ACTL8: variants seen among roughly 807,000 people sequenced by gnomAD.
ACTL8 encodes the protein actin-like protein 8.
ACTL8 carries 3 observed loss-of-function variants against 9.3 expected under a neutral mutation model. The observed-to-expected ratio is 0.32, with a 90% CI of 0.15 to 0.83. The LOEUF (loss-of-function observed/expected upper bound fraction) is 0.83, where lower values mean the gene tolerates loss of function less well. Among genes scored for constraint, ACTL8 ranks in the 40% least tolerant of loss-of-function variants. The probability of loss-of-function intolerance (pLI) is 0.57; values close to 1 mark genes in which losing one functional copy is unlikely to be tolerated. For missense variants in ACTL8, 381 were observed against 492.2 expected, an observed-to-expected ratio of 0.77 and a Z score of 2.14; for synonymous variants, 224 against 205.9, an observed-to-expected ratio of 1.09 and a Z score of -0.75.
intron 1 of ACTL8, among the ~76,000 whole-genome samples, chr1:17,792,544 C>T (rs2066247676): frequency 3.3e-5 from 5 of 152,214 alleles, no homozygotes; most frequent in Admixed American, 3.3e-4. Context: ...TGTCTTCGGG[C>T]CTCAGATAAG....
intron 1 of ACTL8, among the ~76,000 whole-genome samples, chr1:17,787,832 A>G (rs921138086): frequency 3.3e-5 from 5 of 152,180 alleles, no homozygotes; most frequent in African/African-American, 1.2e-4. Flanking sequence ...TGCCAGCTGG[A>G]TTTCCCCAGA....
At chr1:17,762,402 C>G (rs530747911) in intron 1 of ACTL8, among the ~76,000 whole-genome samples, 31 of 152,226 alleles carry the variant, frequency 2.0e-4, no homozygotes, top group Admixed American at 7.2e-4. Context: ...GGCCCCACCC[C>G]CTGGGCCATT....
chr1:17,800,405 G>T (rs2066312221), intron 1 of ACTL8, among the ~76,000 whole-genome samples: 2 of 152,020 alleles, frequency 1.3e-5, no homozygotes, highest in Non-Finnish European at 2.9e-5. Flanking sequence ...AACGTGTTCA[G>T]ATTCTGTTGG....
In ACTL8 at chr1:17,791,768, G is replaced by T. The variant is rs1354655775; in HGVS notation, c.-24-31217G>T. On this transcript the variant is annotated intron_variant, in intron 1 of 2. Transcript: ENST00000375406. ...ATGCATGGTGCCTAATTTTGCCCTG[G>T]CAGTCTCTGGCTATATTTAACACCA... is the stretch of plus-strand genomic sequence containing the variant. Among the ~76,000 whole-genome samples, 3 of 152,222 alleles carry T rather than the reference G, an allele frequency of 2.0e-5. No individual in the cohort carries two copies. The East Asian group carries it at 5.8e-4, about 29-fold the overall frequency.
chr1:17,794,787 C>T lies in ACTL8; in HGVS notation c.-24-28198C>T, dbSNP rs553739362. 5.3e-5 allele frequency among the ~76,000 whole-genome samples: 8 copies of T among 152,322 alleles called. No individual in the cohort carries two copies. In the South Asian group the frequency reaches 1.7e-3, roughly 32 times the overall value. On this transcript the variant is annotated intron_variant, in intron 1 of 2. Coordinates refer to ENST00000375406, the MANE Select transcript of ACTL8 (RefSeq NM_030812.3). ...AACGTAGAGATCCCACAGAGAGTTG[C>T]TCTCCCAGATCGTGTCCAGTTCTTA...
rs147778579 is a variant in ACTL8, at chr1:17,797,589, A to G, written c.-24-25396A>G. ...AGGGCCAGGTATCCAGCATTTCTCA[A>G]GCTTGACCAATAATCAGACCTTCCT... On this transcript the variant is annotated intron_variant, in intron 1 of 2. Coordinates refer to ENST00000375406, the MANE Select transcript of ACTL8 (RefSeq NM_030812.3). Among the ~76,000 whole-genome samples the G allele has an allele frequency of 3.8e-3, 583 of 152,272 alleles. 3 individuals carry two copies. The highest frequency in any genetic ancestry group is 6.7e-3 in the Admixed American group (102 of 15,298).
At chr1:17,804,064 C>A (rs1033057599) in intron 1 of ACTL8, among the ~76,000 whole-genome samples, 1 of 152,174 alleles carries the variant, frequency 6.6e-6, no homozygotes, top group Non-Finnish European at 1.5e-5. Context: ...TTGATTGATT[C>A]AACGAATTTA....
intron 1 of ACTL8, among the ~76,000 whole-genome samples, chr1:17,800,382 G>T (rs2066312022): frequency 6.6e-6 from 1 of 152,242 alleles, no homozygotes; most frequent in East Asian, 1.9e-4. Context: ...TAATTTTTAA[G>T]TTGGTCACTT....
chr1:17,776,343 G>A (rs1051695053), intron 1 of ACTL8, among the ~76,000 whole-genome samples: 3 of 152,134 alleles, frequency 2.0e-5, no homozygotes, highest in Non-Finnish European at 4.4e-5. Context: ...GCCACTCCAG[G>A]GTCAATGAGT....
At chr1:17,765,109 G>C (rs577415301) in intron 1 of ACTL8, among the ~76,000 whole-genome samples, 15 of 152,320 alleles carry the variant, frequency 9.8e-5, no homozygotes, top group Non-Finnish European at 1.9e-4. Flanking sequence ...AACTGGAGGT[G>C]CTGGACGCTT....
rs895995505 is a variant in ACTL8, at chr1:17,774,818, T to C, written c.-25+19314T>C. Among the ~76,000 whole-genome samples, 16 of 152,296 alleles carry C rather than the reference T, an allele frequency of 1.1e-4. No homozygotes were observed. In the South Asian group the frequency reaches 3.1e-3, roughly 30 times the overall value. ...ACCCCTGGAGCCGCTGGAAGAGGGCTGAGGGCCGCCTCTTTTGAAGGTTTG... is the reference window on the plus strand; with the variant it reads ...ACCCCTGGAGCCGCTGGAAGAGGGCCGAGGGCCGCCTCTTTTGAAGGTTTG... On this transcript the variant is annotated intron_variant, in intron 1 of 2. Coordinates refer to ENST00000375406, the MANE Select transcript of ACTL8 (RefSeq NM_030812.3).
Position 17,825,920 on chromosome 1 carries a change from G to A in ACTL8, c.502G>A (p.Ala168Thr), listed in dbSNP as rs764213663. Reference sequence around the variant, plus strand: ...TTTCCACCAGGGCCGCCCCTTGCCCGCCAGCGGCAAGACGCTGGAGTTCGC... The same window carrying A: ...TTTCCACCAGGGCCGCCCCTTGCCCACCAGCGGCAAGACGCTGGAGTTCGC... ...QPFHQGRPLPASGKTLEFAGQ... is the reference protein window; with the variant it reads ...QPFHQGRPLPTSGKTLEFAGQ... The change falls in exon 3 of 3, where the codon GCC becomes ACC. Residue 168 changes from alanine to threonine, a missense_variant. Ala to Thr is a moderately conservative substitution (Grantham distance 58). This residue lies in a region of ACTL8 where 243 missense variants were observed against 276.2 expected (regional missense o/e 0.88). Transcript: ENST00000375406. 3.7e-5 allele frequency: 60 copies of A among 1,612,364 alleles called. No individual in the cohort carries two copies. Among genetic ancestry groups the A allele is most frequent in the South Asian group, 8.8e-5 (8 of 91,070 alleles).
intron 1 of ACTL8, among the ~76,000 whole-genome samples, chr1:17,775,612 C>T (rs1044738066): frequency 6.6e-6 from 1 of 152,228 alleles, no homozygotes; most frequent in Non-Finnish European, 1.5e-5. Context: ...CCAAGGTCAC[C>T]TGTGTCCCAT....
chr1:17,786,507 A>C (rs183828219), intron 1 of ACTL8, among the ~76,000 whole-genome samples: 130 of 152,308 alleles, frequency 8.5e-4, no homozygotes, highest in Admixed American at 8.5e-4. Context: ...TGCCAGATAA[A>C]TAAGTTATTT....
rs2066250598 is a variant in ACTL8, at chr1:17,792,926, C to CT, written c.-24-30058dup. 2.0e-5 allele frequency among the ~76,000 whole-genome samples: 3 copies of CT among 152,150 alleles called. No homozygotes were observed. The South Asian group carries it at 6.2e-4, about 31-fold the overall frequency. ...GGAGACAGGAGGACATAGGCTCTCTCTCTGGGGTGTGGGAAGGGACAGGAC... is the reference window on the plus strand; with the variant it reads ...GGAGACAGGAGGACATAGGCTCTCTCTTCTGGGGTGTGGGAAGGGACAGGAC... On this transcript the variant is annotated intron_variant, in intron 1 of 2. Coordinates refer to ENST00000375406, the MANE Select transcript of ACTL8 (RefSeq NM_030812.3).
At chr1:17,784,111 C>T (rs774891306) in intron 1 of ACTL8, among the ~76,000 whole-genome samples, 2 of 152,192 alleles carry the variant, frequency 1.3e-5, no homozygotes, top group Non-Finnish European at 2.9e-5. Context: ...AATTGACTCA[C>T]AGTTCTGGAG....
At chr1:17,797,047 C>T (rs1383513588) in intron 1 of ACTL8, among the ~76,000 whole-genome samples, 1 of 152,114 alleles carries the variant, frequency 6.6e-6, no homozygotes, top group Non-Finnish European at 1.5e-5. Context: ...ATGGTGCTTC[C>T]TGGGTTTCAG....
At chr1:17,783,929 C>G (rs746028433) in intron 1 of ACTL8, among the ~76,000 whole-genome samples, 1 of 152,200 alleles carries the variant, frequency 6.6e-6, no homozygotes, top group Non-Finnish European at 1.5e-5. Context: ...CCCTCTAGAT[C>G]TAAATGGATA....
At chr1:17,757,712 G>C (rs775343171) in intron 1 of ACTL8, among the ~76,000 whole-genome samples, 10 of 152,150 alleles carry the variant, frequency 6.6e-5, no homozygotes, top group Non-Finnish European at 1.3e-4. Context: ...GAAAAAGAAC[G>C]ACAAGACTGG....
Sources: allele counts gnomAD v4.1 joint callset (sites outside exome capture counted in the v4.1 genomes callset), GRCh38; gene constraint gnomAD v4.1.1; regional missense constraint gnomAD v4.1.1; transcripts MANE v1.5; gene names NCBI Gene and HGNC (gene_info 2026-07-23, HGNC 2026-07-21).